Variants in XRCC5 observed in about 807,000 individuals in gnomAD.
XRCC5 encodes DNA repair protein Ku80.
A neutral mutation model predicts 95.7 loss-of-function variants in XRCC5; 12 were observed. That is an observed-to-expected ratio of 0.13 (90% CI 0.08 to 0.20). The LOEUF (loss-of-function observed/expected upper bound fraction) is 0.20. Ranked by LOEUF, XRCC5 falls within the 10% of genes least tolerant of loss-of-function variation. XRCC5 has a pLI of 1.00. For missense variants in XRCC5, 595 were observed against 873.9 expected, an observed-to-expected ratio of 0.68 and a Z score of 4.02; for synonymous variants, 281 against 290.3, an observed-to-expected ratio of 0.97 and a Z score of 0.33.
chr2:216,158,515 A>T (rs1485662455), intron 14 of XRCC5, among the ~76,000 whole-genome samples: 1 of 152,040 alleles, frequency 6.6e-6, no homozygotes, highest in Non-Finnish European at 1.5e-5. Context: ...CTTTTTTTTT[A>T]AAACAGACTC....
In XRCC5 at chr2:216,127,603, T is replaced by C; in HGVS notation, c.866T>C (p.Ile289Thr). The C allele has an allele frequency of 1.9e-6, 3 of 1,612,482 alleles. No homozygotes were observed. Among genetic ancestry groups the C allele is most frequent in the Non-Finnish European group, 1.7e-6 (2 of 1,179,426 alleles). Reference protein sequence around the residue: ...VDAKTLKKEDIQKETVYCLND... With the variant: ...VDAKTLKKEDTQKETVYCLND... ...GCAAAAACCCTAAAAAAAGAAGATATACAAAAAGAAACAGTTTATTGCTTA... is the reference window on the plus strand; with the variant it reads ...GCAAAAACCCTAAAAAAAGAAGATACACAAAAAGAAACAGTTTATTGCTTA... The change falls in exon 8 of 21, where the codon ATA (isoleucine) becomes ACA (threonine). Residue 289 changes from isoleucine (I) to threonine (T), a missense_variant. Ile to Thr is a moderately conservative substitution (Grantham distance 89). Around this residue, in one of 2 missense-constraint regions of XRCC5, gnomAD observed 286 missense variants for 491.1 expected, o/e 0.58. Transcript: ENST00000392132.
At chr2:216,122,281 T>G (rs760369615) in intron 6 of XRCC5, 28 bp downstream of exon 6, 2 of 1,574,568 alleles carry the variant, frequency 1.3e-6, no homozygotes, top group South Asian at 2.3e-5. Context: ...TGATGGGAAT[T>G]TTTAATTGTA....
At chr2:216,199,778 A>G (rs1012786826) in intron 19 of XRCC5, among the ~76,000 whole-genome samples, 8 of 150,998 alleles carry the variant, frequency 5.3e-5, no homozygotes, top group African/African-American at 1.9e-4. Context: ...AAAGCAGTGA[A>G]GAAAGAGGAT....
intron 6 of XRCC5, among the ~76,000 whole-genome samples, chr2:216,122,828 T>C (rs1696835070): frequency 6.6e-6 from 1 of 151,566 alleles, no homozygotes; most frequent in Non-Finnish European, 1.5e-5. Context: ...GGCAAAATGA[T>C]TTAAGAAAAG....
At chr2:216,200,644 T>G (rs190504908) in intron 19 of XRCC5, among the ~76,000 whole-genome samples, 1 of 152,264 alleles carries the variant, frequency 6.6e-6, no homozygotes, top group Non-Finnish European at 1.5e-5. Context: ...ATAGAACATT[T>G]CCATCACCAC....
At chr2:216,155,541 A>G (rs1688825318) in intron 14 of XRCC5, among the ~76,000 whole-genome samples, 1 of 152,126 alleles carries the variant, frequency 6.6e-6, no homozygotes, top group Non-Finnish European at 1.5e-5. Flanking sequence ...GCTAAGGGGG[A>G]ATGTAAACTG....
At chr2:216,123,771 A>T (rs1696858906) in intron 6 of XRCC5, among the ~76,000 whole-genome samples, 1 of 152,220 alleles carries the variant, frequency 6.6e-6, no homozygotes, top group Admixed American at 6.5e-5. Context: ...ATGCCACTGC[A>T]CTCCAGCCTG....
chr2:216,167,475 A>T (rs1366761960), intron 16 of XRCC5, among the ~76,000 whole-genome samples: 1 of 152,028 alleles, frequency 6.6e-6, no homozygotes, highest in Non-Finnish European at 1.5e-5. Flanking sequence ...TTACTTACAT[A>T]CATTATGTGA....
chr2:216,115,006 G>C (rs1318740384), intron 2 of XRCC5, among the ~76,000 whole-genome samples: 1 of 150,056 alleles, frequency 6.7e-6, no homozygotes, highest in Admixed American at 6.5e-5. Flanking sequence ...GGTGGTTGGG[G>C]GGCGGGGCGG....
chr2:216,110,855 A>G (rs1308088464), intron 1 of XRCC5, among the ~76,000 whole-genome samples: 1 of 150,880 alleles, frequency 6.6e-6, no homozygotes, highest in Admixed American at 6.6e-5. Context: ...TGTGCATTTT[A>G]CTGTTCTCAA....
rs746374866 is a variant in XRCC5 at position 216,109,448 on chromosome 2, G to A, written c.12G>A (p.Ser4=). 1 of 1,613,930 alleles carries A rather than the reference G, an allele frequency of 6.2e-7. No homozygotes were observed. The highest frequency in any genetic ancestry group is 8.5e-7 in the Non-Finnish European group (1 of 1,179,962). Residue 4 remains serine, a synonymous_variant, in exon 1 of 21, where the codon TCG becomes TCA. Coordinates refer to ENST00000392132, the MANE Select transcript of XRCC5 (RefSeq NM_021141.4). ...TGAGGACCGGCAACATGGTGCGGTC[G>A]GGGAATAAGGTATAAAGAAAGCCAT... MVR[S]GNKAAVVLCM...
intron 14 of XRCC5, among the ~76,000 whole-genome samples, chr2:216,157,004 C>T (rs1264472853): frequency 1.3e-5 from 2 of 152,160 alleles, no homozygotes; most frequent in Non-Finnish European, 2.9e-5. Flanking sequence ...CCTGCCCAGG[C>T]GACCGTCCCC....
chr2:216,111,694 G>A (rs909809970), intron 1 of XRCC5, among the ~76,000 whole-genome samples: 5 of 152,166 alleles, frequency 3.3e-5, no homozygotes, highest in African/African-American at 1.2e-4. Context: ...CTGGTAAGAT[G>A]TTAGCCCAGA....
intron 19 of XRCC5, among the ~76,000 whole-genome samples, chr2:216,197,369 C>T (rs41296775): frequency 0.037 from 5,448 of 146,532 alleles, 142 homozygotes; most frequent in Non-Finnish European, 0.055. Flanking sequence ...CGCTTGAACC[C>T]GGGAGGCAGA....
At chr2:216,135,429 G>C (rs1017442319) in intron 10 of XRCC5, among the ~76,000 whole-genome samples, 8 of 152,210 alleles carry the variant, frequency 5.3e-5, no homozygotes, top group Non-Finnish European at 1.2e-4. Flanking sequence ...GACTGGAAGG[G>C]AGTGACGTGA....
rs1697118508 is a variant in XRCC5 at position 216,138,172 on chromosome 2, T to C, written c.1335T>C (p.Ala445=). 6.2e-7 allele frequency: 1 copy of C among 1,612,530 alleles called. No homozygotes were observed. Among genetic ancestry groups the C allele is most frequent in the Non-Finnish European group, 8.5e-7 (1 of 1,179,756 alleles). ...FSSLKNSKKY[A]PTEAQLNAVD... ...CCTTGAAAAACAGTAAGAAATATGC[T>C]CCCACCGGTGAGTTTGTTTTCATTT... Residue 445 remains alanine (A), a synonymous_variant, in exon 12 of 21, where the codon GCT becomes GCC. Transcript: ENST00000392132.
chr2:216,156,975 A>G (rs1302785807), intron 14 of XRCC5, among the ~76,000 whole-genome samples: 5 of 152,192 alleles, frequency 3.3e-5, no homozygotes, highest in Non-Finnish European at 7.3e-5. Context: ...AGAGGAACAG[A>G]GAAGGGGTCG....
intron 16 of XRCC5, among the ~76,000 whole-genome samples, chr2:216,172,101 T>C (rs377192062): frequency 1.4e-4 from 22 of 152,332 alleles, no homozygotes; most frequent in African/African-American, 5.3e-4. Context: ...TCCTGAGTTA[T>C]TGCACCATCT....
intron 17 of XRCC5, among the ~76,000 whole-genome samples, chr2:216,190,604 C>G (rs1407928456): frequency 6.6e-6 from 1 of 152,018 alleles, no homozygotes; most frequent in East Asian, 1.9e-4. Flanking sequence ...GCTTTCTGTT[C>G]CTATTTAGGG....
Sources: allele counts gnomAD v4.1 joint callset (sites outside exome capture counted in the v4.1 genomes callset), GRCh38; gene constraint gnomAD v4.1.1; regional missense constraint gnomAD v4.1.1; transcripts MANE v1.5; gene names NCBI Gene and HGNC (gene_info 2026-07-23, HGNC 2026-07-21).